CCDC141: variants seen among roughly 807,000 people sequenced by gnomAD.
CCDC141 encodes coiled-coil domain-containing protein 141.
CCDC141 carries 168 observed loss-of-function variants against 181.0 expected under a neutral mutation model. The ratio of observed to expected loss-of-function variants is 0.93; its 90% confidence interval spans 0.82 to 1.05. The LOEUF (loss-of-function observed/expected upper bound fraction) is 1.05. Among genes scored for constraint, CCDC141 ranks in the 50% least tolerant of loss-of-function variants. The probability of loss-of-function intolerance (pLI) is 0.00; values close to 1 mark genes in which losing one functional copy is unlikely to be tolerated. For synonymous variants in CCDC141, 666 were observed against 642.3 expected (o/e 1.04, Z -0.56); for missense variants, 1,902 against 1,788.5 (o/e 1.06, Z -1.14).
rs534242931 is a variant in CCDC141 at position 178,906,460 on chromosome 2, A to G, written c.1093-959T>C. Among the ~76,000 whole-genome samples, 6 of 152,340 alleles carry G rather than the reference A, an allele frequency of 3.9e-5. No homozygotes were observed. In the South Asian group the frequency reaches 1.0e-3, roughly 26 times the overall value. On this transcript the variant is annotated intron_variant, in intron 7 of 23. Coordinates refer to ENST00000443758, the MANE Select transcript of CCDC141 (RefSeq NM_173648.4). Reference sequence around the variant, plus strand: ...GTCTCTAGGAATAATTTTGACCTAGAAAACAAATGGTACATTGAAGAAAAT... The same window carrying G: ...GTCTCTAGGAATAATTTTGACCTAGGAAACAAATGGTACATTGAAGAAAAT...
At chr2:178,950,998 T>C (rs1243652958) in intron 5 of CCDC141, among the ~76,000 whole-genome samples, 1 of 152,224 alleles carries the variant, frequency 6.6e-6, no homozygotes, top group Non-Finnish European at 1.5e-5. Context: ...AGGTAGGTTC[T>C]TTCTTCCAAC....
At chr2:178,824,059 AAAACAC>A in the CCDC141 span, among the ~76,000 whole-genome samples, 3 of 96,692 alleles carry the variant, frequency 3.1e-5, no homozygotes, top group African/African-American at 1.1e-4. Context: ...CATACAGAGA[AAAACAC>A]ACACACACAC....
the CCDC141 span, chr2:178,817,540 G>C: frequency 2.1e-6 from 1 of 470,918 alleles, no homozygotes; most frequent in East Asian, 7.0e-5. Context: ...GTATCTCCAG[G>C]TACCACTTAG....
intron 2 of CCDC141, among the ~76,000 whole-genome samples, chr2:179,031,349 C>T (rs1011943106): frequency 1.3e-5 from 2 of 151,668 alleles, no homozygotes; most frequent in Non-Finnish European, 2.9e-5. Flanking sequence ...TATAGTGATA[C>T]CCATCTTTTA....
intron 2 of CCDC141, among the ~76,000 whole-genome samples, chr2:179,015,342 ATATG>A (rs1188398321): frequency 7.0e-6 from 1 of 141,996 alleles, no homozygotes; most frequent in East Asian, 2.1e-4. Context: ...CATATCTCAT[ATATG>A]TATCATACAT....
the CCDC141 span, among the ~76,000 whole-genome samples, chr2:178,822,245 C>T: frequency 3.2e-3 from 467 of 144,600 alleles, 14 homozygotes; most frequent in East Asian, 0.08. Flanking sequence ...CATCACACAC[C>T]GGGGCCTGTT....
At chr2:178,929,464 T>C (rs927275997) in intron 6 of CCDC141, among the ~76,000 whole-genome samples, 15 of 152,174 alleles carry the variant, frequency 9.9e-5, no homozygotes, top group Non-Finnish European at 1.9e-4. Context: ...GCTACATACC[T>C]CTTTAACTAC....
chr2:179,037,405 A>G (rs1005489320), intron 2 of CCDC141, among the ~76,000 whole-genome samples: 1 of 152,212 alleles, frequency 6.6e-6, no homozygotes, highest in Non-Finnish European at 1.5e-5. Flanking sequence ...GGTAATGTGA[A>G]ACAGGTTAGT....
chr2:178,993,783 T>C (rs371395154), intron 2 of CCDC141, among the ~76,000 whole-genome samples: 28 of 152,226 alleles, frequency 1.8e-4, no homozygotes, highest in African/African-American at 6.5e-4. Flanking sequence ...CTAGATACAA[T>C]GGGAGTACAG....
At chr2:178,943,688 T>G (rs1689613073) in intron 6 of CCDC141, among the ~76,000 whole-genome samples, 1 of 152,134 alleles carries the variant, frequency 6.6e-6, no homozygotes, top group East Asian at 1.9e-4. Flanking sequence ...TCCCATCTAC[T>G]ATGACGGACT....
At chr2:178,924,426 T>C (rs1244049251) in intron 6 of CCDC141, among the ~76,000 whole-genome samples, 3 of 152,254 alleles carry the variant, frequency 2.0e-5, no homozygotes, top group Non-Finnish European at 4.4e-5. Context: ...ATGATTGTAT[T>C]AACAGATGGT....
intron 8 of CCDC141, 78 bp from the exon 9 acceptor site, chr2:178,888,746 A>T: frequency 6.8e-7 from 1 of 1,475,898 alleles, no homozygotes; most frequent in Non-Finnish European, 9.2e-7. Flanking sequence ...ATCTGCTCTC[A>T]TGTTAGGTAG....
At chr2:178,940,230 AT>A (rs1689452094) in intron 6 of CCDC141, among the ~76,000 whole-genome samples, 1 of 139,936 alleles carries the variant, frequency 7.1e-6, no homozygotes. Flanking sequence ...GAATAAAGAA[AT>A]GGGGGGAGGC....
chr2:178,855,547 T>G lies in CCDC141; in HGVS notation c.2866-6A>C. 6.4e-7 allele frequency: 1 copy of G among 1,554,856 alleles called. No individual in the cohort carries two copies. Among genetic ancestry groups the G allele is most frequent in the South Asian group, 1.3e-5 (1 of 79,808 alleles). Reference sequence around the variant, plus strand: ...TCCATTTTCCTTTTCAAAGCCTGTGTGAAAAACAAAAAGTTTTTTAAACAA... The same window carrying G: ...TCCATTTTCCTTTTCAAAGCCTGTGGGAAAAACAAAAAGTTTTTTAAACAA... On this transcript the variant is annotated splice_polypyrimidine_tract_variant and splice_region_variant and intron_variant, in intron 18 of 23. Coordinates refer to ENST00000443758, the MANE Select transcript of CCDC141 (RefSeq NM_173648.4).
Position 179,015,926 on chromosome 2 carries a change from TATA to T in CCDC141, c.225+31355_225+31357del, listed in dbSNP as rs908269772. ...TATCATATATATCTCATATATATCA[TATA>T]ATTTCATATATATCATATATATCTC... On this transcript the variant is annotated intron_variant, in intron 2 of 23. Coordinates refer to ENST00000443758, the MANE Select transcript of CCDC141 (RefSeq NM_173648.4). Among the ~76,000 whole-genome samples the T allele has an allele frequency of 7.8e-5, 11 of 141,404 alleles. 1 individual carries two copies. The highest frequency in any genetic ancestry group is 2.3e-4 in the African/African-American group (9 of 38,770). 92.8% of individuals were successfully genotyped at this position (141,404 alleles called of 152,430 possible).
intron 5 of CCDC141, among the ~76,000 whole-genome samples, chr2:178,956,406 T>A (rs1690162910): frequency 6.6e-6 from 1 of 152,134 alleles, no homozygotes; most frequent in Admixed American, 6.5e-5. Flanking sequence ...AAGCCACCCA[T>A]CCATCTCAGC....
At chr2:179,003,341 T>G (rs2042036009) in intron 2 of CCDC141, among the ~76,000 whole-genome samples, 4 of 152,188 alleles carry the variant, frequency 2.6e-5, no homozygotes, top group Admixed American at 2.6e-4. Flanking sequence ...ACATAGTGAT[T>G]AAGAACCAGA....
At chr2:178,979,117 A>G (rs1691252718) in intron 2 of CCDC141, among the ~76,000 whole-genome samples, 2 of 152,238 alleles carry the variant, frequency 1.3e-5, no homozygotes, top group Non-Finnish European at 2.9e-5. Flanking sequence ...GTGACGATTA[A>G]TGTAAATATT....
chr2:178,981,649 TATATATATACATACATATATAC>T, intron 2 of CCDC141, among the ~76,000 whole-genome samples: 1 of 100,198 alleles, frequency 1.0e-5, no homozygotes, highest in Non-Finnish European at 2.3e-5. Context: ...TATATATATA[TATATATATACATACATATATAC>T]ATATATATAT....
Sources: gnomAD v4.1 joint callset for allele counts (sites outside exome capture counted in the v4.1 genomes callset) on GRCh38, gnomAD v4.1.1 for gene constraint, MANE v1.5 for transcripts, NCBI Gene and HGNC (gene_info 2026-07-23, HGNC 2026-07-21) for gene names.